SHANK1: variants seen among roughly 807,000 people sequenced by gnomAD.
SHANK1 encodes SH3 and multiple ankyrin repeat domains 1, also known as SH3 and multiple ankyrin repeat domains protein 1.
In SHANK1, 35 loss-of-function variants were observed where a neutral mutation model predicts 165.6. The observed-to-expected ratio is 0.21, with a 90% CI of 0.16 to 0.28. The LOEUF (loss-of-function observed/expected upper bound fraction) is 0.28. SHANK1 is among the 10% of genes least tolerant of loss of function. SHANK1 has a pLI of 1.00. For synonymous variants in SHANK1, 1,428 were observed against 1,384.8 expected (o/e 1.03, Z -0.69); for missense variants, 2,681 against 3,036.4 (o/e 0.88, Z 2.75).
intron 21 of SHANK1, among the ~76,000 whole-genome samples, chr19:50,672,366 C>G (rs1458119353): frequency 6.6e-6 from 1 of 151,816 alleles, no homozygotes; most frequent in Non-Finnish European, 1.5e-5. Flanking sequence ...GCCAACATGG[C>G]AAAACCTCGT....
intron 21 of SHANK1, among the ~76,000 whole-genome samples, chr19:50,685,046 T>G (rs551545320): frequency 2.0e-5 from 3 of 151,820 alleles, no homozygotes; most frequent in Non-Finnish European, 4.4e-5. Flanking sequence ...AGTTTTAGAG[T>G]AAATGGACCC....
rs1986459007 is a variant in SHANK1, at chr19:50,689,118, C to T, written c.2047+79G>A. On this transcript the variant is annotated intron_variant, in intron 16 of 23. Transcript: ENST00000293441. ...GTGGTGGGCGGGCTGGGGTCCCTTCCCCTTTCCAGCCCCCATTTTCAGCCC... is the reference window on the plus strand; with the variant it reads ...GTGGTGGGCGGGCTGGGGTCCCTTCTCCTTTCCAGCCCCCATTTTCAGCCC... 1.1e-5 allele frequency: 14 copies of T among 1,283,980 alleles called. No homozygotes were observed. In the South Asian group the frequency reaches 1.4e-4, roughly 13 times the overall value. 79.5% of individuals were successfully genotyped at this position (1,283,980 alleles called of 1,614,324 possible).
intron 22 of SHANK1, among the ~76,000 whole-genome samples, chr19:50,671,718 A>G (rs982123081): frequency 6.6e-6 from 1 of 152,024 alleles, no homozygotes; most frequent in Non-Finnish European, 1.5e-5. Flanking sequence ...AATCGGGTAT[A>G]AGAGAAACAA....
At position 50,686,573 on chromosome 19, in the gene SHANK1, A is replaced by G. The variant is rs1236283154; in HGVS notation, c.2458+171T>C. On this transcript the variant is annotated intron_variant, in intron 20 of 23. Transcript: ENST00000293441. The surrounding 1 kb of genome is among the most constrained non-coding windows in gnomAD (Gnocchi z 5.7). ...ACCCAGGGTGGGAAGGGGTGCGGGCAGGGAACGGGGCAGCCGTCGGGAGAG... is the reference window on the plus strand; with the variant it reads ...ACCCAGGGTGGGAAGGGGTGCGGGCGGGGAACGGGGCAGCCGTCGGGAGAG... 6.9e-6 allele frequency among the ~76,000 whole-genome samples: 1 copy of G among 145,022 alleles called. No individual in the cohort carries two copies. Among genetic ancestry groups the G allele is most frequent in the Admixed American group, 6.8e-5 (1 of 14,740 alleles).
intron 21 of SHANK1, 82 bp from the exon 22 acceptor site, chr19:50,672,196 T>C: frequency 8.9e-7 from 1 of 1,124,488 alleles, no homozygotes; most frequent in Non-Finnish European, 1.3e-6. Flanking sequence ...GGCTTCACTA[T>C]ACGGCTGCCC....
rs187735725 is a variant in SHANK1, at chr19:50,696,698, G to A, written c.1964+398C>T. 8.3e-4 allele frequency among the ~76,000 whole-genome samples: 126 copies of A among 152,024 alleles called. 1 individual carries two copies. The highest frequency in any genetic ancestry group is 2.8e-3 in the African/African-American group (114 of 41,448). ...GACAGACGCACATGCATGCACACAC[G>A]TTAATGTGCGAGTACACACGCACAG... On this transcript the variant is annotated intron_variant, in intron 15 of 23. Transcript: ENST00000293441.
At position 50,660,213 on chromosome 19, in the gene SHANK1, C is replaced by CGGGAATAAGGGGAGAGA. The variant is rs1985146089; in HGVS notation, c.*1751_*1752insTCTCTCCCCTTATTCCC. 6.6e-6 allele frequency among the ~76,000 whole-genome samples: 1 copy of CGGGAATAAGGGGAGAGA among 151,022 alleles called. No individual in the cohort carries two copies. On this transcript the variant is annotated 3_prime_UTR_variant, in exon 24 of 24. Transcript: ENST00000293441. ...GGGGTGGCTTAACATTCCCAAGCCC[C>CGGGAATAAGGGGAGAGA]GGGAATAAGCGGAGAGAGGAAGCGT...
chr19:50,693,951 C>T lies in SHANK1; in HGVS notation c.1964+3145G>A, dbSNP rs1298764490. Among the ~76,000 whole-genome samples the T allele has an allele frequency of 2.0e-5, 3 of 151,614 alleles. No individual in the cohort carries two copies. In the South Asian group the frequency reaches 6.3e-4, roughly 32 times the overall value. On this transcript the variant is annotated intron_variant, in intron 15 of 23. Transcript: ENST00000293441. ...AGGGGCCTGTGGGGGAGGGGTAGGC[C>T]AGGCCCAGGAGGGTGGGTGTTGGGA... is the stretch of plus-strand genomic sequence containing the variant.
chr19:50,666,864 C>G lies in SHANK1; in HGVS notation c.5096G>C (p.Ser1699Thr). 1.3e-6 allele frequency: 2 copies of G among 1,570,336 alleles called. No individual in the cohort carries two copies. The highest frequency in any genetic ancestry group is 1.7e-6 in the Non-Finnish European group (2 of 1,159,196). ...ETISSASTLS[S>T]LSAEGGGSAG... ...GCTGCCACCACCTTCGGCAGATAGG[C>G]TGCTCAGCGTGGAGGCGCTGCTGAT... Residue 1699 changes from serine (S) to threonine (T), a missense_variant, in exon 23 of 24, where the codon AGC (serine) becomes ACC (threonine). Ser to Thr is a moderately conservative substitution (Grantham distance 58). Transcript: ENST00000293441.
chr19:50,687,187 A>G (rs1986376290), intron 19 of SHANK1: 3 of 475,460 alleles, frequency 6.3e-6, no homozygotes, highest in Non-Finnish European at 1.1e-5. Context: ...GGGAAATGGG[A>G]CCCCCAGGTC....
Position 50,667,590 on chromosome 19 carries a change from G to C in SHANK1, c.4370C>G (p.Pro1457Arg). 1 of 1,439,984 alleles carries C rather than the reference G, an allele frequency of 6.9e-7. No homozygotes were observed. The highest frequency in any genetic ancestry group is 9.0e-7 in the Non-Finnish European group (1 of 1,108,264). The allele number at this position is 1,439,984 out of a possible 1,614,324, so 89.2% of individuals were successfully genotyped here. Residue 1457 changes from proline (P) to arginine (R), a missense_variant, in exon 23 of 24, where the codon CCC (proline) becomes CGC (arginine). By Grantham distance (103) the Pro-to-Arg change is moderately radical. Transcript: ENST00000293441. This position sits in a 1 kb window ranked among gnomAD's most constrained non-coding sequence, Gnocchi z 5.7. Reference sequence around the variant, plus strand: ...CTCCGTCCCCAGCTGCAGCAGGAGGGGCCCCACCCCGGGAGCGGTGGGCGG... The same window carrying C: ...CTCCGTCCCCAGCTGCAGCAGGAGGCGCCCCACCCCGGGAGCGGTGGGCGG... The part of the protein sequence containing the change: ...RLPPTAPGVG[P>R]LLLQLGTEPP...
chr19:50,703,929 G>T, intron 10 of SHANK1, 99 bp from the exon 11 acceptor site: 1 of 706,486 alleles, frequency 1.4e-6, no homozygotes, highest in Non-Finnish European at 2.4e-6. Context: ...AGGCATGAGG[G>T]AGAAAGACAG....
rs748290433 is a variant in SHANK1, at chr19:50,668,547, G to A, written c.3413C>T (p.Pro1138Leu). ...CGCGGCCACGGCGGGCGGCGGCTGC[G>A]GGGAGGCCGGGGACGTGGGCGACGG... ...PAPSPTSPAS[P>L]QPPPAVAAPS... Residue 1138 changes from proline to leucine, a missense_variant, in exon 23 of 24, where the codon CCG (proline) becomes CTG (leucine). Coordinates refer to ENST00000293441, the MANE Select transcript of SHANK1 (RefSeq NM_016148.5). The A allele has an allele frequency of 7.4e-6, 10 of 1,351,876 alleles. No homozygotes were observed. The highest frequency in any genetic ancestry group is 4.6e-5 in the African/African-American group (3 of 65,758). 83.7% of individuals were successfully genotyped at this position (1,351,876 alleles called of 1,614,324 possible).
In SHANK1 at chr19:50,666,695, A is replaced by G; in HGVS notation, c.5265T>C (p.Ser1755=). Reference sequence around the variant, plus strand: ...CTCCTAGCGCCCGGCCCCGGAGCTTAGAGGGAGTCATGAGCTGAGGAGGGT... The same window carrying G: ...CTCCTAGCGCCCGGCCCCGGAGCTTGGAGGGAGTCATGAGCTGAGGAGGGT... ...PPYPPQLMTP[S]KLRGRALGAS... The change falls in exon 23 of 24, where the codon TCT becomes TCC. Residue 1755 remains serine (S), a synonymous_variant. Transcript: ENST00000293441. 6.3e-7 allele frequency: 1 copy of G among 1,584,482 alleles called. No homozygotes were observed. Among genetic ancestry groups the G allele is most frequent in the Non-Finnish European group, 8.6e-7 (1 of 1,167,644 alleles).
chr19:50,685,365 C>G (rs1179441635), intron 21 of SHANK1, among the ~76,000 whole-genome samples: 1 of 152,182 alleles, frequency 6.6e-6, no homozygotes, highest in Non-Finnish European at 1.5e-5. Context: ...GTTTCCCCCT[C>G]TGTAAATGGG....
Position 50,668,901 on chromosome 19 carries a change from G to T in SHANK1, c.3059C>A (p.Pro1020His), listed in dbSNP as rs1417273818. 8 of 1,312,714 alleles carry T rather than the reference G, an allele frequency of 6.1e-6. No homozygotes were observed. In the African/African-American group the frequency reaches 1.3e-4, roughly 21 times the overall value. The allele number at this position is 1,312,714 out of a possible 1,614,324, so 81.3% of individuals were successfully genotyped here. A position where few individuals can be genotyped will look rare whatever the true frequency, so the allele number is the denominator to read the frequency against. ...TGTCTCCATCTCGGGAGGATGAGGG[G>T]GGTGGGCGTGGTGGTGGTGGGGCTG... ...PPQPHHHHAH[P>H]PHPPEMETGG... The change falls in exon 23 of 24, where the codon CCC (proline) becomes CAC (histidine). Residue 1020 changes from proline to histidine, a missense_variant. Around this residue, in one of 10 missense-constraint regions of SHANK1, gnomAD observed 1,713 missense variants for 1,630.2 expected, o/e 1.05. Coordinates refer to ENST00000293441, the MANE Select transcript of SHANK1 (RefSeq NM_016148.5).
intron 4 of SHANK1, 64 bp downstream of exon 4, chr19:50,715,595 G>A: frequency 7.0e-6 from 10 of 1,420,622 alleles, no homozygotes; most frequent in Non-Finnish European, 1.0e-5. Flanking sequence ...GAGAGAAAGT[G>A]GTTGGGTAGG....
At chr19:50,707,066 C>T (rs1599869046) in intron 8 of SHANK1, among the ~76,000 whole-genome samples, 3 of 152,354 alleles carry the variant, frequency 2.0e-5, no homozygotes, top group Admixed American at 2.0e-4. Flanking sequence ...GCATGAGCCA[C>T]CGTGCTCAAC....
chr19:50,692,508 G>A (rs1159673416), intron 15 of SHANK1, among the ~76,000 whole-genome samples: 1 of 142,192 alleles, frequency 7.0e-6, no homozygotes, highest in Admixed American at 6.9e-5. Context: ...AGGCAGGGAG[G>A]GGGGTCCAAC....
Sources: allele counts gnomAD v4.1 joint callset (sites outside exome capture counted in the v4.1 genomes callset), GRCh38; gene constraint gnomAD v4.1.1; regional missense constraint gnomAD v4.1.1; non-coding constraint Gnocchi (gnomAD v3.1); transcripts MANE v1.5; gene names NCBI Gene and HGNC (gene_info 2026-07-23, HGNC 2026-07-21).